The following RIT2 variants were observed in gnomAD, a reference collection of about 807,000 sequenced individuals.
The protein encoded by RIT2 is Ras like without CAAX 2.
RIT2 carries 24 observed loss-of-function variants against 23.7 expected under a neutral mutation model. The observed-to-expected ratio is 1.01, with a 90% confidence interval of 0.73 to 1.43. The LOEUF is 1.43. RIT2 is among the 40% of genes most tolerant of loss of function. The pLI, the probability that RIT2 is intolerant of heterozygous loss-of-function variation, is 0.00. For missense variants in RIT2, 236 were observed against 266.9 expected, an observed-to-expected ratio of 0.88 and a Z score of 0.81; for synonymous variants, 107 against 91.1, an observed-to-expected ratio of 1.17 and a Z score of -0.99.
chr18:42,843,856 G>A (rs953459147), intron 4 of RIT2, among the ~76,000 whole-genome samples: 1 of 151,980 alleles, frequency 6.6e-6, no homozygotes. Context: ...TGATATCTAA[G>A]GAAGTATCTG....
At chr18:43,110,349 G>A (rs927694067) in intron 1 of RIT2, among the ~76,000 whole-genome samples, 6 of 151,728 alleles carry the variant, frequency 4.0e-5, no homozygotes, top group Admixed American at 3.9e-4. Context: ...AAAATACCTG[G>A]AAAATAAGAT....
intron 1 of RIT2, among the ~76,000 whole-genome samples, chr18:43,068,416 G>A (rs1303336833): frequency 2.6e-5 from 4 of 152,126 alleles, no homozygotes; most frequent in Admixed American, 2.6e-4. Context: ...TGTATAATGA[G>A]AGGAGCTTTG....
chr18:42,967,656 A>G (rs1249182315), intron 3 of RIT2, among the ~76,000 whole-genome samples: 1 of 146,278 alleles, frequency 6.8e-6, no homozygotes, highest in Admixed American at 7.1e-5. Flanking sequence ...CTCCCAAAGT[A>G]CTGGGATTAC....
At chr18:43,029,644 A>C (rs1037770328) in intron 2 of RIT2, among the ~76,000 whole-genome samples, 1 of 152,030 alleles carries the variant, frequency 6.6e-6, no homozygotes, top group Non-Finnish European at 1.5e-5. Flanking sequence ...TAGGCAAAGA[A>C]ACTCAATGAA....
intron 4 of RIT2, among the ~76,000 whole-genome samples, chr18:42,858,794 TG>T (rs1337809690): frequency 6.6e-6 from 1 of 152,222 alleles, no homozygotes; most frequent in Non-Finnish European, 1.5e-5. Context: ...TTCATATAAC[TG>T]GAATCATAAT....
intron 3 of RIT2, among the ~76,000 whole-genome samples, chr18:42,927,420 G>C (rs1446168127): frequency 6.6e-6 from 1 of 150,978 alleles, no homozygotes; most frequent in Admixed American, 6.6e-5. Context: ...TTTACTAAAA[G>C]ATGCAGTAGA....
At chr18:42,876,098 A>G (rs1432581276) in intron 4 of RIT2, among the ~76,000 whole-genome samples, 1 of 152,040 alleles carries the variant, frequency 6.6e-6, no homozygotes, top group Non-Finnish European at 1.5e-5. Flanking sequence ...TTAGTCACTG[A>G]ACTTGAACTA....
At chr18:43,111,444 A>G (rs1458678924) in intron 1 of RIT2, among the ~76,000 whole-genome samples, 3 of 151,968 alleles carry the variant, frequency 2.0e-5, no homozygotes, top group Non-Finnish European at 4.4e-5. Context: ...ACAAAAAAGT[A>G]TAATGGAAGA....
In RIT2 at chr18:43,096,185, G is replaced by A. The variant is rs148811386; in HGVS notation, c.103+19232C>T. Among the ~76,000 whole-genome samples the A allele has an allele frequency of 3.5e-3, 539 of 152,004 alleles. 3 individuals are homozygous for A. Among genetic ancestry groups the A allele is most frequent in the African/African-American group, 0.011 (449 of 41,494 alleles). On this transcript the variant is annotated intron_variant, in intron 1 of 4. Coordinates refer to ENST00000326695, the MANE Select transcript of RIT2 (RefSeq NM_002930.4). Reference sequence around the variant, plus strand: ...CCTGAGAGTCTGTTAAGAAATCCACGAAAGCACATATTCTAATGAAGATGG... The same window carrying A: ...CCTGAGAGTCTGTTAAGAAATCCACAAAAGCACATATTCTAATGAAGATGG...
chr18:43,097,942 T>C (rs541679086), intron 1 of RIT2, among the ~76,000 whole-genome samples: 2 of 151,902 alleles, frequency 1.3e-5, no homozygotes, highest in Non-Finnish European at 2.9e-5. Context: ...CAACAGATGA[T>C]TAATCAATAA....
intron 1 of RIT2, among the ~76,000 whole-genome samples, chr18:43,091,782 G>T (rs1473824433): frequency 6.6e-6 from 1 of 152,018 alleles, no homozygotes; most frequent in Non-Finnish European, 1.5e-5. Context: ...AATGCTCCTG[G>T]TCTCTTCTCT....
intron 3 of RIT2, among the ~76,000 whole-genome samples, chr18:42,939,299 G>A (rs1909536963): frequency 6.6e-6 from 1 of 152,104 alleles, no homozygotes; most frequent in African/African-American, 2.4e-5. Flanking sequence ...GTGCAATGAA[G>A]TTAAAAAGAG....
chr18:42,949,816 C>A (rs1404884289), intron 3 of RIT2, among the ~76,000 whole-genome samples: 1 of 152,080 alleles, frequency 6.6e-6, no homozygotes, highest in East Asian at 1.9e-4. Context: ...AAATAAAAGT[C>A]TCACTGAATC....
intron 4 of RIT2, among the ~76,000 whole-genome samples, chr18:42,905,812 A>G (rs1368411850): frequency 6.6e-6 from 1 of 151,328 alleles, no homozygotes; most frequent in Non-Finnish European, 1.5e-5. Context: ...TCTGCTCTAA[A>G]AGGATCAGAA....
intron 1 of RIT2, among the ~76,000 whole-genome samples, chr18:43,063,545 GAGA>G (rs1912701962): frequency 6.6e-6 from 1 of 152,144 alleles, no homozygotes; most frequent in South Asian, 2.1e-4. Context: ...ACGTTTATTG[GAGA>G]AGATTTATGG....
At chr18:42,756,987 A>G (rs1913180120) in intron 4 of RIT2, among the ~76,000 whole-genome samples, 1 of 152,174 alleles carries the variant, frequency 6.6e-6, no homozygotes. Flanking sequence ...TCTCCTGCAG[A>G]ATATAAGATC....
chr18:42,770,786 CA>C (rs531013783), intron 4 of RIT2, among the ~76,000 whole-genome samples: 1,805 of 120,678 alleles, frequency 0.015, 22 homozygotes, highest in African/African-American at 0.033. Context: ...CACTGACACT[CA>C]AAAAAAAAAA....
intron 2 of RIT2, among the ~76,000 whole-genome samples, chr18:43,009,380 T>G (rs928185856): frequency 6.6e-6 from 1 of 151,748 alleles, no homozygotes; most frequent in Non-Finnish European, 1.5e-5. Context: ...GTAATTTGCA[T>G]GTGGACAAAA....
chr18:42,960,287 G>C (rs1910065614), intron 3 of RIT2, among the ~76,000 whole-genome samples: 1 of 152,068 alleles, frequency 6.6e-6, no homozygotes, highest in Admixed American at 6.6e-5. Flanking sequence ...GAGGATTGAG[G>C]TCCTGACAAT....
Sources: gnomAD v4.1 joint callset for allele counts (sites outside exome capture counted in the v4.1 genomes callset) on GRCh38, gnomAD v4.1.1 for gene constraint, MANE v1.5 for transcripts, NCBI Gene and HGNC (gene_info 2026-07-23, HGNC 2026-07-21) for gene names.